Variants in SDK1 observed in about 807,000 individuals in gnomAD.
SDK1 encodes protein sidekick-1.
Under a neutral mutation model 245.5 loss-of-function variants are expected in SDK1, and 157 were observed. That is an observed-to-expected ratio of 0.64 (90% confidence interval 0.56 to 0.73). The LOEUF (loss-of-function observed/expected upper bound fraction) is 0.73, where lower values mean the gene tolerates loss of function less well. Ranked by LOEUF, SDK1 falls within the 30% of genes least tolerant of loss-of-function variation. The probability of loss-of-function intolerance (pLI) is 0.00; values close to 1 mark genes in which losing one functional copy is unlikely to be tolerated. For synonymous variants in SDK1, 1,647 were observed against 1,278.5 expected (o/e 1.29, Z -6.15); for missense variants, 3,583 against 3,002.3 (o/e 1.19, Z -4.52).
chr7:4,264,563 G>A (rs1216023495), intron 44 of SDK1, among the ~76,000 whole-genome samples: 2 of 134,722 alleles, frequency 1.5e-5, no homozygotes, highest in South Asian at 5.0e-4. Flanking sequence ...GAGGGAGGCC[G>A]CGTGGACCTC....
At chr7:3,512,465 T>G (rs1007617150) in intron 1 of SDK1, among the ~76,000 whole-genome samples, 2 of 152,220 alleles carry the variant, frequency 1.3e-5, no homozygotes, top group Non-Finnish European at 2.9e-5. Flanking sequence ...AGTTTTCCAT[T>G]TCTTTGGGTG....
chr7:3,967,370 G>A lies in SDK1; in HGVS notation c.1482G>A (p.Gly494=). The A allele has an allele frequency of 1.2e-6, 2 of 1,614,198 alleles. No individual in the cohort carries two copies. The highest frequency in any genetic ancestry group is 2.2e-5 in the South Asian group (2 of 91,076). The change falls in exon 10 of 45, where the codon GGG becomes GGA. Residue 494 remains glycine, a synonymous_variant. Transcript: ENST00000404826. Reference sequence around the variant, plus strand: ...CAGTGGACACCACAGTTACTGACGGGATGACAGCCATTCTAAGGTGTGAGG... The same window carrying A: ...CAGTGGACACCACAGTTACTGACGGAATGACAGCCATTCTAAGGTGTGAGG... The part of the protein sequence containing the change: ...QRPVDTTVTD[G]MTAILRCEVS...
intron 1 of SDK1, among the ~76,000 whole-genome samples, chr7:3,415,008 A>G (rs575526855): frequency 2.0e-5 from 3 of 152,288 alleles, no homozygotes; most frequent in Admixed American, 2.0e-4. Context: ...CTTTTCGGCT[A>G]TTATGCATAA....
intron 1 of SDK1, among the ~76,000 whole-genome samples, chr7:3,385,507 TAAAA>T (rs961793843): frequency 2.0e-5 from 3 of 152,180 alleles, no homozygotes; most frequent in East Asian, 1.9e-4. Flanking sequence ...TTTTTTCTAA[TAAAA>T]AAACTCCAGA....
At chr7:3,493,155 G>C (rs2128605734) in intron 1 of SDK1, among the ~76,000 whole-genome samples, 1 of 152,212 alleles carries the variant, frequency 6.6e-6, no homozygotes, top group South Asian at 2.1e-4. Context: ...GTTTCACCGT[G>C]TTAGCCAGGA....
intron 22 of SDK1, among the ~76,000 whole-genome samples, chr7:4,108,361 G>C (rs1010479179): frequency 1.3e-5 from 2 of 152,068 alleles, no homozygotes; most frequent in African/African-American, 4.8e-5. Context: ...CTTGTTTTCT[G>C]TGTCTCTGAA....
chr7:4,021,764 G>T lies in SDK1; in HGVS notation c.2602+4412G>T, dbSNP rs181862766. On this transcript the variant is annotated intron_variant, in intron 17 of 44. Coordinates refer to ENST00000404826, the MANE Select transcript of SDK1 (RefSeq NM_152744.4). ...CAATTCCTGGAATTCTCTCCTTGTG[G>T]CAGAGGCTGGCAACGTGGCCTTCCA... Among the ~76,000 whole-genome samples, 546 of 152,298 alleles carry T rather than the reference G, an allele frequency of 3.6e-3. 3 individuals carry two copies. The highest frequency in any genetic ancestry group is 0.013 in the African/African-American group (521 of 41,582).
At position 3,454,932 on chromosome 7, in the gene SDK1, A is replaced by G. The variant is rs114293978; in HGVS notation, c.298+153048A>G. ...AACTATTTTCCAGAGTGACTGTACC[A>G]TTTTACTATTTCACCAGTGCTTGAG... On this transcript the variant is annotated intron_variant, in intron 1 of 44. Transcript: ENST00000404826. Among the ~76,000 whole-genome samples, 795 of 152,184 alleles carry G rather than the reference A, an allele frequency of 5.2e-3. 6 individuals are homozygous for G. The highest frequency in any genetic ancestry group is 0.018 in the African/African-American group (756 of 41,532).
At chr7:3,312,513 G>T (rs372560046) in intron 1 of SDK1, among the ~76,000 whole-genome samples, 1 of 151,932 alleles carries the variant, frequency 6.6e-6, no homozygotes, top group African/African-American at 2.4e-5. Context: ...AAAATAACAT[G>T]GAGTTGGAAA....
chr7:3,635,727 G>T (rs752871643), intron 2 of SDK1, among the ~76,000 whole-genome samples: 4 of 151,794 alleles, frequency 2.6e-5, no homozygotes, highest in Non-Finnish European at 5.9e-5. Flanking sequence ...TTTTTCTTGA[G>T]ACAGGATCTG....
chr7:3,333,733 G>A (rs1009001892), intron 1 of SDK1, among the ~76,000 whole-genome samples: 3 of 152,192 alleles, frequency 2.0e-5, no homozygotes, highest in African/African-American at 7.2e-5. Flanking sequence ...GTCAGGGTTC[G>A]ATTATCGAGG....
intron 1 of SDK1, among the ~76,000 whole-genome samples, chr7:3,399,873 T>C (rs1778840130): frequency 6.6e-6 from 1 of 152,192 alleles, no homozygotes; most frequent in African/African-American, 2.4e-5. Flanking sequence ...TTTAAATTTT[T>C]GGCTGGACTC....
At chr7:4,153,850 A>AT (rs11284693) in intron 30 of SDK1, among the ~76,000 whole-genome samples, 28 of 148,768 alleles carry the variant, frequency 1.9e-4, no homozygotes, top group Admixed American at 4.7e-4. Context: ...CTAATGTTTA[A>AT]TTTTTTTTTT....
At chr7:3,631,319 A>T (rs1407893879) in intron 2 of SDK1, among the ~76,000 whole-genome samples, 3 of 152,108 alleles carry the variant, frequency 2.0e-5, no homozygotes, top group African/African-American at 7.2e-5. Context: ...TTTAATTGAG[A>T]ACTCTTTTCT....
chr7:3,937,812 A>G (rs1321710063), intron 5 of SDK1, among the ~76,000 whole-genome samples: 4 of 151,892 alleles, frequency 2.6e-5, no homozygotes, highest in Non-Finnish European at 5.9e-5. Flanking sequence ...CCGGGCTTGC[A>G]TGTTTGGCAA....
intron 35 of SDK1, among the ~76,000 whole-genome samples, chr7:4,196,690 G>T (rs1196058013): frequency 6.6e-6 from 1 of 152,162 alleles, no homozygotes; most frequent in African/African-American, 2.4e-5. Context: ...AGCCCACCCT[G>T]AGGGCTGGAA....
rs73306142 is a variant in SDK1, at chr7:3,781,295, C to T, written c.714-40155C>T. ...CCAGCAATCTCATCAAACAGGGAAG[C>T]CAGGCCCACAACCCCACCTGACATC... On this transcript the variant is annotated intron_variant, in intron 4 of 44. Coordinates refer to ENST00000404826, the MANE Select transcript of SDK1 (RefSeq NM_152744.4). Among the ~76,000 whole-genome samples the T allele has an allele frequency of 6.3e-3, 954 of 152,190 alleles. 7 individuals are homozygous for T. The highest frequency in any genetic ancestry group is 0.021 in the African/African-American group (892 of 41,526).
At chr7:3,631,069 G>T (rs534755748) in intron 2 of SDK1, among the ~76,000 whole-genome samples, 1 of 152,112 alleles carries the variant, frequency 6.6e-6, no homozygotes, top group South Asian at 2.1e-4. Context: ...AGTAGCTTGG[G>T]ACTACAGGCA....
At chr7:3,566,517 G>T (rs1038065478) in intron 1 of SDK1, among the ~76,000 whole-genome samples, 1 of 151,922 alleles carries the variant, frequency 6.6e-6, no homozygotes, top group Admixed American at 6.6e-5. Context: ...GAGCCACCAC[G>T]CCCGGCCGAT....
Sources: gnomAD v4.1 joint callset for allele counts (sites outside exome capture counted in the v4.1 genomes callset) on GRCh38, gnomAD v4.1.1 for gene constraint, MANE v1.5 for transcripts, NCBI Gene and HGNC (gene_info 2026-07-23, HGNC 2026-07-21) for gene names.